SDK1: variants seen among roughly 807,000 people sequenced by gnomAD.
The protein encoded by SDK1 is sidekick cell adhesion molecule 1, also known as protein sidekick-1.
SDK1 carries 157 observed loss-of-function variants against 245.5 expected under a neutral mutation model. The ratio of observed to expected loss-of-function variants is 0.64; its 90% CI spans 0.56 to 0.73. The LOEUF is 0.73. Among genes scored for constraint, SDK1 ranks in the 30% least tolerant of loss-of-function variants. SDK1 has a pLI of 0.00. For synonymous variants in SDK1, 1,647 were observed against 1,278.5 expected (o/e 1.29, Z -6.15); for missense variants, 3,583 against 3,002.3 (o/e 1.19, Z -4.52).
intron 33 of SDK1, 67 bp downstream of exon 33, chr7:4,174,424 G>A (rs1782057408): frequency 6.7e-7 from 1 of 1,500,868 alleles, no homozygotes; most frequent in Non-Finnish European, 9.2e-7. Context: ...TATCTGCTCA[G>A]TGCACATCAT....
At chr7:3,580,369 A>G (rs183635224) in intron 1 of SDK1, among the ~76,000 whole-genome samples, 2 of 152,364 alleles carry the variant, frequency 1.3e-5, no homozygotes, top group African/African-American at 2.4e-5. Flanking sequence ...AGCTGGAGGC[A>G]TCATGTTACC....
intron 4 of SDK1, among the ~76,000 whole-genome samples, chr7:3,693,331 G>C (rs1040823077): frequency 3.3e-5 from 5 of 151,982 alleles, no homozygotes; most frequent in African/African-American, 1.2e-4. Flanking sequence ...TCGTTATTTG[G>C]TTTGTATTGT....
At chr7:3,512,909 C>G (rs1782628216) in intron 1 of SDK1, among the ~76,000 whole-genome samples, 1 of 151,958 alleles carries the variant, frequency 6.6e-6, no homozygotes, top group Non-Finnish European at 1.5e-5. Flanking sequence ...ATTTGACATT[C>G]ACCTATTCTT....
In SDK1 at chr7:4,267,336, T is replaced by G. The variant is rs1005356628; in HGVS notation, c.*1952T>G. 1 of 789,148 alleles carries G rather than the reference T, an allele frequency of 1.3e-6. No homozygotes were observed. The highest frequency in any genetic ancestry group is 1.9e-5 in the African/African-American group (1 of 52,066). 48.9% of individuals were successfully genotyped at this position (789,148 alleles called of 1,614,324 possible). ...CCTCCCTCCCTTCCTCTCTCCCCTA[T>G]TCCTTCTTCCTTTTCTCCTCCTTTT... On this transcript the variant is annotated 3_prime_UTR_variant, in exon 45 of 45. Coordinates refer to ENST00000404826, the MANE Select transcript of SDK1 (RefSeq NM_152744.4).
At chr7:4,135,017 C>T (rs1229665830) in intron 28 of SDK1, among the ~76,000 whole-genome samples, 1 of 152,254 alleles carries the variant, frequency 6.6e-6, no homozygotes, top group African/African-American at 2.4e-5. Flanking sequence ...CGGGTCCTCA[C>T]TGCCCCGCTC....
At chr7:3,847,357 C>T (rs1213262854) in intron 5 of SDK1, among the ~76,000 whole-genome samples, 1 of 152,184 alleles carries the variant, frequency 6.6e-6, no homozygotes, top group African/African-American at 2.4e-5. Flanking sequence ...TTTCCTTCTT[C>T]CATTAAATGG....
chr7:3,509,067 GGTGTGT>G lies in SDK1; in HGVS notation c.299-110001_299-109996del, dbSNP rs911519846. On this transcript the variant is annotated intron_variant, in intron 1 of 44. Coordinates refer to ENST00000404826, the MANE Select transcript of SDK1 (RefSeq NM_152744.4). ...TATCAGGGCAGCCTAAGGAAGGTGG[GGTGTGT>G]GTGTGTGTGTGCGTGTGTGTGTGTG... 2.6e-4 allele frequency among the ~76,000 whole-genome samples: 38 copies of G among 143,516 alleles called. No individual in the cohort carries two copies. The East Asian group carries it at 3.9e-3, about 15-fold the overall frequency. 94.2% of individuals were successfully genotyped at this position (143,516 alleles called of 152,430 possible).
chr7:3,624,159 G>A (rs1782036315), intron 2 of SDK1, among the ~76,000 whole-genome samples: 1 of 152,152 alleles, frequency 6.6e-6, no homozygotes, highest in South Asian at 2.1e-4. Context: ...TAGAATTTTA[G>A]CCTAACATCA....
intron 17 of SDK1, among the ~76,000 whole-genome samples, chr7:4,029,943 G>T (rs536933356): frequency 2.3e-4 from 35 of 152,354 alleles, no homozygotes; most frequent in Admixed American, 7.2e-4. Context: ...CCACTAACGT[G>T]GCAGCAGGAT....
rs139948244 is a variant in SDK1, at chr7:3,349,437, C to G, written c.298+47553C>G. The stretch of plus-strand genomic sequence containing the variant: ...GGGGTTACTGTTGGATGGAACTGTG[C>G]TTGGCTATTGGACCTGAGTGACTGA... On this transcript the variant is annotated intron_variant, in intron 1 of 44. Transcript: ENST00000404826. Among the ~76,000 whole-genome samples the G allele has an allele frequency of 5.8e-3, 883 of 152,204 alleles. 9 individuals are homozygous for G. The highest frequency in any genetic ancestry group is 0.02 in the African/African-American group (818 of 41,514).
At chr7:3,349,802 C>A (rs1276342407) in intron 1 of SDK1, among the ~76,000 whole-genome samples, 2 of 151,962 alleles carry the variant, frequency 1.3e-5, no homozygotes, top group East Asian at 1.9e-4. Flanking sequence ...CGGGGTTTCA[C>A]CGTGTTAGCC....
At chr7:3,678,320 A>T (rs909425241) in intron 4 of SDK1, among the ~76,000 whole-genome samples, 5 of 152,214 alleles carry the variant, frequency 3.3e-5, no homozygotes, top group Non-Finnish European at 5.9e-5. Context: ...TTGTACACCA[A>T]TGTTTATAGC....
chr7:3,965,110 C>T (rs1228340492), intron 9 of SDK1, among the ~76,000 whole-genome samples: 3 of 152,158 alleles, frequency 2.0e-5, no homozygotes, highest in Non-Finnish European at 4.4e-5. Context: ...ATGTGGCCTA[C>T]TCAGCATTGC....
Position 3,504,952 on chromosome 7 carries a change from G to T in SDK1, c.299-114128G>T, listed in dbSNP as rs533502035. On this transcript the variant is annotated intron_variant, in intron 1 of 44. Transcript: ENST00000404826. ...AAAACATAAATCCCTGCAAAAACTAGTTTCCAAATGTAATGGAGATAGGCA... is the reference window on the plus strand; with the variant it reads ...AAAACATAAATCCCTGCAAAAACTATTTTCCAAATGTAATGGAGATAGGCA... 9.2e-5 allele frequency among the ~76,000 whole-genome samples: 14 copies of T among 152,248 alleles called. No homozygotes were observed. The South Asian group carries it at 2.9e-3, about 32-fold the overall frequency.
intron 5 of SDK1, among the ~76,000 whole-genome samples, chr7:3,859,165 A>G (rs1008754997): frequency 8.6e-5 from 13 of 151,788 alleles, no homozygotes; most frequent in Admixed American, 7.2e-4. Context: ...CCCGGCCCAT[A>G]TTTTTCTTTT....
intron 5 of SDK1, among the ~76,000 whole-genome samples, chr7:3,830,031 A>G (rs1779875835): frequency 6.6e-6 from 1 of 152,194 alleles, no homozygotes; most frequent in Admixed American, 6.5e-5. Context: ...TGCATTAGAC[A>G]GCACATAGGA....
intron 1 of SDK1, among the ~76,000 whole-genome samples, chr7:3,530,302 G>A (rs778594976): frequency 6.6e-6 from 1 of 152,090 alleles, no homozygotes; most frequent in Admixed American, 6.6e-5. Flanking sequence ...ATCATCTGTG[G>A]TATCCTTCAC....
At chr7:3,638,900 C>G in intron 2 of SDK1, 104 bp from the exon 3 acceptor site, 1 of 577,930 alleles carries the variant, frequency 1.7e-6, no homozygotes, top group South Asian at 2.8e-5. Context: ...TGAGCATATA[C>G]TAGATGAGAT....
intron 4 of SDK1, among the ~76,000 whole-genome samples, chr7:3,755,526 G>A (rs1390446598): frequency 2.6e-5 from 4 of 152,050 alleles, no homozygotes; most frequent in Non-Finnish European, 5.9e-5. Flanking sequence ...AAGGATATTT[G>A]GACAGAATAC....
Sources: allele counts gnomAD v4.1 joint callset (sites outside exome capture counted in the v4.1 genomes callset), GRCh38; gene constraint gnomAD v4.1.1; transcripts MANE v1.5; gene names NCBI Gene and HGNC (gene_info 2026-07-23, HGNC 2026-07-21).